Variants in LINGO2 observed in about 807,000 individuals in gnomAD.
The protein encoded by LINGO2 is leucine rich repeat and Ig domain containing 2.
Under a neutral mutation model 30.6 loss-of-function variants are expected in LINGO2, and 14 were observed. That is an observed-to-expected ratio of 0.46 (90% CI 0.30 to 0.72). The LOEUF (loss-of-function observed/expected upper bound fraction) is 0.72. Ranked by LOEUF, LINGO2 falls within the 30% of genes least tolerant of loss-of-function variation. The probability of loss-of-function intolerance (pLI) is 0.07; values close to 1 mark genes in which losing one functional copy is unlikely to be tolerated. For synonymous variants in LINGO2, 317 were observed against 288.5 expected, an observed-to-expected ratio of 1.10 and a Z score of -1.00; for missense variants, 729 against 751.7, an observed-to-expected ratio of 0.97 and a Z score of 0.35.
In LINGO2 at chr9:28,542,670, C is replaced by T. The variant is rs547882116; in HGVS notation, c.-364-66645G>A. 2.8e-4 allele frequency among the ~76,000 whole-genome samples: 43 copies of T among 151,962 alleles called. 1 individual carries two copies. In the South Asian group the frequency reaches 8.1e-3, roughly 29 times the overall value. On this transcript the variant is annotated intron_variant, in intron 1 of 5. Transcript: ENST00000379992. ...TTTACCCCATCACCACTGATTAACC[C>T]AGAAGAGTTGTTCTCTTTGGTGTAA...
intron 1 of LINGO2, among the ~76,000 whole-genome samples, chr9:28,504,224 C>T (rs1461278854): frequency 6.6e-6 from 1 of 151,824 alleles, no homozygotes; most frequent in African/African-American, 2.4e-5. Context: ...TCCATCATTT[C>T]TCTATATTTT....
At chr9:28,674,106 A>G (rs1290851502), upstream of LINGO2, among the ~76,000 whole-genome samples, 1 of 152,148 alleles carries the variant, frequency 6.6e-6, no homozygotes, top group Non-Finnish European at 1.5e-5. Flanking sequence ...AGAGGTGAAC[A>G]TGCTGTAACA....
At chr9:28,705,421 C>A in the LINGO2 span, among the ~76,000 whole-genome samples, 2 of 152,078 alleles carry the variant, frequency 1.3e-5, no homozygotes, top group Non-Finnish European at 2.9e-5. Context: ...TGTCCACAAT[C>A]TGTCTCCTTG....
chr9:28,789,622 C>T, the LINGO2 span, among the ~76,000 whole-genome samples: 1 of 151,926 alleles, frequency 6.6e-6, no homozygotes, highest in Non-Finnish European at 1.5e-5. Flanking sequence ...GAATTTACAC[C>T]ATGGTTAATT....
intron 2 of LINGO2, among the ~76,000 whole-genome samples, chr9:28,391,384 T>G (rs2134689590): frequency 6.6e-6 from 1 of 152,298 alleles, no homozygotes; most frequent in South Asian, 2.1e-4. Flanking sequence ...ATAAATCACC[T>G]TATTACTTAT....
At chr9:28,097,206 G>A (rs1450363820) in intron 4 of LINGO2, among the ~76,000 whole-genome samples, 1 of 152,142 alleles carries the variant, frequency 6.6e-6, no homozygotes, top group Non-Finnish European at 1.5e-5. Context: ...AGGGGATGTG[G>A]AGAAATAGGA....
rs575627894 is a variant in LINGO2 at position 28,319,390 on chromosome 9, C to T, written c.-245-24024G>A. 1.6e-3 allele frequency among the ~76,000 whole-genome samples: 236 copies of T among 152,088 alleles called. 1 individual carries two copies. The highest frequency in any genetic ancestry group is 3.1e-3 in the Non-Finnish European group (212 of 67,992). On this transcript the variant is annotated intron_variant, in intron 3 of 5. Coordinates refer to ENST00000379992, the Ensembl canonical transcript of LINGO2. ...TTTATATGATTAGATTAAGACCACTCAGATAATTCAGGATAATCTCTCTGT... is the reference window on the plus strand; with the variant it reads ...TTTATATGATTAGATTAAGACCACTTAGATAATTCAGGATAATCTCTCTGT...
the LINGO2 span, among the ~76,000 whole-genome samples, chr9:28,845,873 T>C: frequency 6.6e-6 from 1 of 151,750 alleles, no homozygotes; most frequent in Non-Finnish European, 1.5e-5. Context: ...TGTCTGTATA[T>C]AGGATCTTAT....
At chr9:29,068,334 G>A in the LINGO2 span, among the ~76,000 whole-genome samples, 1 of 151,480 alleles carries the variant, frequency 6.6e-6, no homozygotes, top group Non-Finnish European at 1.5e-5. Flanking sequence ...GATGTCCACC[G>A]CATATAAAAA....
At chr9:28,401,934 C>A (rs114458882) in intron 2 of LINGO2, among the ~76,000 whole-genome samples, 4,725 of 152,052 alleles carry the variant, frequency 0.031, 239 homozygotes, top group African/African-American at 0.11. Flanking sequence ...TAAATATCTT[C>A]TTTTGTGAGG....
At chr9:27,998,316 A>G (rs1008014736) in intron 5 of LINGO2, among the ~76,000 whole-genome samples, 5 of 152,174 alleles carry the variant, frequency 3.3e-5, no homozygotes, top group African/African-American at 4.8e-5. Flanking sequence ...AAAAATGCCA[A>G]CTGCTCAAAG....
chr9:28,151,418 T>C (rs1168127680), intron 4 of LINGO2, among the ~76,000 whole-genome samples: 1 of 151,898 alleles, frequency 6.6e-6, no homozygotes, highest in African/African-American at 2.4e-5. Context: ...CACACATATA[T>C]ACAAATTATA....
chr9:28,671,259 C>T (rs1028418864), upstream of LINGO2, among the ~76,000 whole-genome samples: 7 of 151,914 alleles, frequency 4.6e-5, no homozygotes, highest in Admixed American at 2.0e-4. Flanking sequence ...AAATCTCTCA[C>T]TCTTTAGGTG....
At chr9:27,949,973 G>A (rs757978828) in exon 6 of LINGO2, 1 of 1,614,130 alleles carries the variant, frequency 6.2e-7, no homozygotes, top group Non-Finnish European at 8.5e-7. Flanking sequence ...AAGGCCAATA[G>A]TCAATCTCTA....
At chr9:29,031,848 A>G in the LINGO2 span, among the ~76,000 whole-genome samples, 1 of 152,154 alleles carries the variant, frequency 6.6e-6, no homozygotes, top group Non-Finnish European at 1.5e-5. Context: ...TGGGATACAT[A>G]AAAGAGAGTG....
chr9:29,067,312 C>G, the LINGO2 span, among the ~76,000 whole-genome samples: 2 of 151,582 alleles, frequency 1.3e-5, no homozygotes, highest in Non-Finnish European at 3.0e-5. Flanking sequence ...TAGTGATACA[C>G]TGCAAGAGAA....
intron 1 of LINGO2, among the ~76,000 whole-genome samples, chr9:28,596,525 C>A (rs1206572027): frequency 6.6e-6 from 1 of 152,096 alleles, no homozygotes; most frequent in African/African-American, 2.4e-5. Context: ...GATGCATGAA[C>A]CAGCCAACGA....
intron 1 of LINGO2, among the ~76,000 whole-genome samples, chr9:28,534,409 C>T (rs140129647): frequency 6.6e-6 from 1 of 152,254 alleles, no homozygotes; most frequent in East Asian, 1.9e-4. Context: ...TTACTGAAAA[C>T]ACATTGGGGT....
intron 4 of LINGO2, among the ~76,000 whole-genome samples, chr9:28,240,407 A>G (rs1002698067): frequency 6.6e-6 from 1 of 152,186 alleles, no homozygotes; most frequent in African/African-American, 2.4e-5. Flanking sequence ...CCAAAACAGC[A>G]TGGTACTGGC....
Sources: allele counts gnomAD v4.1 joint callset (sites outside exome capture counted in the v4.1 genomes callset), GRCh38; gene constraint gnomAD v4.1.1; transcripts MANE v1.5; gene names NCBI Gene and HGNC (gene_info 2026-07-23, HGNC 2026-07-21).